Variants in HORMAD2 observed in about 807,000 individuals in gnomAD.
HORMAD2 encodes the protein HORMA domain containing 2.
A neutral mutation model predicts 38.8 loss-of-function variants in HORMAD2; 45 were observed. The observed-to-expected ratio is 1.16, with a 90% CI of 0.91 to 1.49. The LOEUF (loss-of-function observed/expected upper bound fraction) is 1.49. Ranked by LOEUF, HORMAD2 falls within the 40% of genes most tolerant of loss-of-function variation. HORMAD2 has a pLI of 0.00. For synonymous variants in HORMAD2, 126 were observed against 122.8 expected (o/e 1.03, Z -0.17); for missense variants, 338 against 367.0 (o/e 0.92, Z 0.65).
At chr22:30,159,393 T>C (rs999789982) in intron 10 of HORMAD2, among the ~76,000 whole-genome samples, 3 of 152,256 alleles carry the variant, frequency 2.0e-5, no homozygotes, top group African/African-American at 4.8e-5. Flanking sequence ...TTTAGGTATA[T>C]AATCTAGCCA....
intron 5 of HORMAD2, 192 bp downstream of exon 5, chr22:30,104,629 C>G (rs1392034805): frequency 2.2e-6 from 1 of 464,354 alleles, no homozygotes; most frequent in Non-Finnish European, 3.8e-6. Context: ...AAAGAAAACT[C>G]ATTTTTTCTC....
At chr22:30,103,585 C>A (rs1205793016) in intron 4 of HORMAD2, 85 bp downstream of exon 4, 96 of 387,508 alleles carry the variant, frequency 2.5e-4, no homozygotes, top group East Asian at 8.3e-4. Context: ...TTAGTAAGAT[C>A]ATTTTTTAAA....
intron 7 of HORMAD2, among the ~76,000 whole-genome samples, chr22:30,116,440 A>T (rs1922050670): frequency 6.6e-6 from 1 of 152,200 alleles, no homozygotes; most frequent in South Asian, 2.1e-4. Flanking sequence ...TGCTTTAGAG[A>T]TAGACCTGAA....
the HORMAD2 span, among the ~76,000 whole-genome samples, chr22:30,199,619 C>T: frequency 6.6e-6 from 1 of 152,188 alleles, no homozygotes; most frequent in South Asian, 2.1e-4. Context: ...CTGTTTTATA[C>T]TCTTGAGTTA....
chr22:30,163,296 AG>A (rs1925566324), intron 10 of HORMAD2, among the ~76,000 whole-genome samples: 1 of 152,210 alleles, frequency 6.6e-6, no homozygotes, highest in African/African-American at 2.4e-5. Context: ...ATAGACACCT[AG>A]GGGGCCAGAA....
At chr22:30,110,048 A>T (rs1921506484) in intron 5 of HORMAD2, among the ~76,000 whole-genome samples, 1 of 152,236 alleles carries the variant, frequency 6.6e-6, no homozygotes, top group Non-Finnish European at 1.5e-5. Flanking sequence ...CAACTGGAAA[A>T]TATTTAGAAA....
intron 1 of HORMAD2, among the ~76,000 whole-genome samples, chr22:30,084,111 G>A (rs879093210): frequency 7.9e-5 from 12 of 152,126 alleles, no homozygotes; most frequent in Admixed American, 3.3e-4. Context: ...TTAGATATTT[G>A]GACTAAATTA....
intron 10 of HORMAD2, among the ~76,000 whole-genome samples, chr22:30,140,769 A>G (rs1467123795): frequency 6.6e-6 from 1 of 152,102 alleles, no homozygotes; most frequent in African/African-American, 2.4e-5. Context: ...TTAATTCTCC[A>G]TATCATAAAT....
At chr22:30,147,012 CTA>C (rs1174059563) in intron 10 of HORMAD2, among the ~76,000 whole-genome samples, 1 of 152,100 alleles carries the variant, frequency 6.6e-6, no homozygotes, top group Non-Finnish European at 1.5e-5. Context: ...ACAATGAAAA[CTA>C]CAAAATGTTG....
intron 1 of HORMAD2, among the ~76,000 whole-genome samples, chr22:30,091,978 G>A (rs935779472): frequency 9.9e-5 from 15 of 151,858 alleles, no homozygotes; most frequent in African/African-American, 3.6e-4. Flanking sequence ...CCCGGTTCAA[G>A]TGATTCTCCT....
chr22:30,105,053 AAG>A, intron 5 of HORMAD2: 1 of 154,508 alleles, frequency 6.5e-6, no homozygotes, highest in South Asian at 1.8e-4. Flanking sequence ...TTTTTCTGTG[AAG>A]CTTTTATTAT....
intron 10 of HORMAD2, among the ~76,000 whole-genome samples, chr22:30,169,565 A>C (rs1476648195): frequency 6.6e-6 from 1 of 152,198 alleles, no homozygotes; most frequent in Non-Finnish European, 1.5e-5. Context: ...AAAGAAATTA[A>C]TTGAATGGGC....
chr22:30,115,799 G>T (rs1203893686), intron 7 of HORMAD2, among the ~76,000 whole-genome samples: 1 of 152,182 alleles, frequency 6.6e-6, no homozygotes, highest in Non-Finnish European at 1.5e-5. Context: ...AGTGGAGAAT[G>T]AAGAAGGAGG....
At chr22:30,116,031 T>C (rs1242442430) in intron 7 of HORMAD2, among the ~76,000 whole-genome samples, 1 of 152,220 alleles carries the variant, frequency 6.6e-6, no homozygotes, top group African/African-American at 2.4e-5. Flanking sequence ...TAATGTCTAC[T>C]TCAGAGTGTT....
At chr22:30,094,698 T>G (rs925292669) in intron 2 of HORMAD2, among the ~76,000 whole-genome samples, 1 of 152,156 alleles carries the variant, frequency 6.6e-6, no homozygotes, top group African/African-American at 2.4e-5. Context: ...CTGGAATGGT[T>G]TGTATATTCC....
chr22:30,099,022 C>CTGT, intron 3 of HORMAD2, 29 bp downstream of exon 3: 1 of 1,582,354 alleles, frequency 6.3e-7, no homozygotes, highest in Non-Finnish European at 8.6e-7. Context: ...GTCTCTTTGG[C>CTGT]TGTTGTAGCC....
At chr22:30,112,241 G>A (rs1454480020) in intron 6 of HORMAD2, among the ~76,000 whole-genome samples, 4 of 151,776 alleles carry the variant, frequency 2.6e-5, no homozygotes, top group Non-Finnish European at 1.5e-5. Flanking sequence ...AACCATAATG[G>A]ATTATTTAGA....
chr22:30,207,173 CAG>C, the HORMAD2 span: 1 of 453,568 alleles, frequency 2.2e-6, no homozygotes, highest in South Asian at 1.6e-5. Flanking sequence ...GCTGAATCCG[CAG>C]AGAGGTTTGG....
the HORMAD2 span, among the ~76,000 whole-genome samples, chr22:30,197,672 G>T: frequency 6.6e-6 from 1 of 152,118 alleles, no homozygotes; most frequent in South Asian, 2.1e-4. Context: ...CTAGGGAAAT[G>T]ACAGAGACAC....
Sources: allele counts gnomAD v4.1 joint callset (sites outside exome capture counted in the v4.1 genomes callset), GRCh38; gene constraint gnomAD v4.1.1; transcripts MANE v1.5; gene names NCBI Gene and HGNC (gene_info 2026-07-23, HGNC 2026-07-21).